The following CHLSN variants were observed in gnomAD, a reference collection of about 807,000 sequenced individuals.
CHLSN encodes protein cholesin.
chr7:1,078,350 G>C, the CHLSN span, among the ~76,000 whole-genome samples: 51 of 89,908 alleles, frequency 5.7e-4, 1 homozygote, highest in East Asian at 2.1e-4. Context: ...GCTGCGGGGT[G>C]GGGGGGGGCT....
the CHLSN span, among the ~76,000 whole-genome samples, chr7:1,042,909 C>G: frequency 1.1e-4 from 16 of 152,246 alleles, no homozygotes; most frequent in African/African-American, 3.9e-4. Context: ...CCTGGCTCCA[C>G]GGCCTGCAGT....
At chr7:1,066,194 A>G in the CHLSN span, among the ~76,000 whole-genome samples, 1 of 152,224 alleles carries the variant, frequency 6.6e-6, no homozygotes, top group South Asian at 2.1e-4. Context: ...CCGGCCCAGA[A>G]AGCCCACCCT....
the CHLSN span, among the ~76,000 whole-genome samples, chr7:1,037,338 T>C: frequency 2.2e-5 from 3 of 136,008 alleles, no homozygotes; most frequent in Non-Finnish European, 5.0e-5. Flanking sequence ...CCATCTCGGC[T>C]CACTGCAACC....
chr7:988,469 G>A, the CHLSN span: 3,600 of 1,607,774 alleles, frequency 2.2e-3, 6 homozygotes, highest in Non-Finnish European at 2.7e-3. Context: ...GGCTCCAGGG[G>A]TGGGACGGCC....
the CHLSN span, among the ~76,000 whole-genome samples, chr7:994,754 T>A: frequency 6.6e-5 from 10 of 152,242 alleles, no homozygotes; most frequent in Admixed American, 6.5e-4. Flanking sequence ...TATCAGTGTG[T>A]GGCTTGGTGT....
the CHLSN span, among the ~76,000 whole-genome samples, chr7:1,090,585 G>C: frequency 1.3e-5 from 2 of 148,932 alleles, no homozygotes; most frequent in African/African-American, 5.2e-5. Context: ...CGGGTGACGG[G>C]ACCTCTCCAC....
At chr7:1,069,565 G>A in the CHLSN span, among the ~76,000 whole-genome samples, 1 of 136,582 alleles carries the variant, frequency 7.3e-6, no homozygotes, top group Non-Finnish European at 1.6e-5. Flanking sequence ...TGGCCGGGCC[G>A]GTCTCCAGCC....
At chr7:1,069,379 C>T in the CHLSN span, among the ~76,000 whole-genome samples, 1 of 126,112 alleles carries the variant, frequency 7.9e-6, no homozygotes, top group Non-Finnish European at 1.9e-5. Flanking sequence ...CTCCCCTCTC[C>T]CCTCTCCCCA....
chr7:1,103,768 C>A, the CHLSN span, among the ~76,000 whole-genome samples: 1 of 152,258 alleles, frequency 6.6e-6, no homozygotes, highest in Non-Finnish European at 1.5e-5. Context: ...ATCTCCCCAG[C>A]CCCTGAGACG....
chr7:1,002,210 A>G, the CHLSN span, among the ~76,000 whole-genome samples: 4 of 27,928 alleles, frequency 1.4e-4, no homozygotes, highest in Non-Finnish European at 2.3e-4. Context: ...CCTGTGGGTG[A>G]GTGGAGTCCT....
At chr7:1,066,377 T>C in the CHLSN span, among the ~76,000 whole-genome samples, 1 of 152,210 alleles carries the variant, frequency 6.6e-6, no homozygotes, top group African/African-American at 2.4e-5. Flanking sequence ...GGGCCCATCG[T>C]GGCCCACAGA....
chr7:1,014,158 A>G, the CHLSN span, among the ~76,000 whole-genome samples: 1 of 152,332 alleles, frequency 6.6e-6, no homozygotes, highest in Admixed American at 6.5e-5. Flanking sequence ...TACTCAACAA[A>G]TACACTGAAA....
chr7:1,132,626 C>A, the CHLSN span, among the ~76,000 whole-genome samples: 74 of 145,570 alleles, frequency 5.1e-4, no homozygotes, highest in African/African-American at 1.8e-3. Context: ...CTCTGGAAGT[C>A]GAGGTTGTAA....
the CHLSN span, among the ~76,000 whole-genome samples, chr7:1,066,018 C>A: frequency 6.6e-6 from 1 of 152,192 alleles, no homozygotes; most frequent in South Asian, 2.1e-4. Context: ...AGCGCCTGGA[C>A]CAGAGGGAGC....
chr7:1,016,084 CA>C, the CHLSN span, among the ~76,000 whole-genome samples: 2 of 119,212 alleles, frequency 1.7e-5, no homozygotes, highest in African/African-American at 8.3e-5. Flanking sequence ...CAGCAGCACA[CA>C]GCAGCGCACA....
chr7:1,109,778 C>G, the CHLSN span, among the ~76,000 whole-genome samples: 8 of 152,094 alleles, frequency 5.3e-5, no homozygotes, highest in Admixed American at 2.6e-4. Context: ...GGCCCTGGGG[C>G]AGCACAGCTT....
At chr7:1,129,611 C>T in the CHLSN span, among the ~76,000 whole-genome samples, 2 of 152,218 alleles carry the variant, frequency 1.3e-5, no homozygotes, top group African/African-American at 4.8e-5. Flanking sequence ...ATGCCTGGCT[C>T]ACTTAAATCT....
chr7:1,126,469 G>A, the CHLSN span, among the ~76,000 whole-genome samples: 10 of 151,894 alleles, frequency 6.6e-5, no homozygotes, highest in Admixed American at 2.6e-4. Flanking sequence ...ACTTGAGGTC[G>A]GAAGTTTCAA....
At chr7:1,075,456 A>G in the CHLSN span, among the ~76,000 whole-genome samples, 4 of 151,724 alleles carry the variant, frequency 2.6e-5, no homozygotes, top group Middle Eastern at 3.4e-3. Flanking sequence ...CTGGGGAGGC[A>G]GAGGTTGCAG....
Sources: allele counts gnomAD v4.1 joint callset (sites outside exome capture counted in the v4.1 genomes callset), GRCh38; gene constraint gnomAD v4.1.1; transcripts MANE v1.5; gene names NCBI Gene and HGNC (gene_info 2026-07-23, HGNC 2026-07-21).